Variants in CACNA1C observed in about 807,000 individuals in gnomAD.
CACNA1C encodes calcium voltage-gated channel subunit alpha1 C.
A neutral mutation model predicts 229.0 loss-of-function variants in CACNA1C; 30 were observed. The ratio of observed to expected loss-of-function variants is 0.13; its 90% confidence interval spans 0.10 to 0.18. CACNA1C has a LOEUF of 0.18. Ranked by LOEUF, CACNA1C falls within the 10% of genes least tolerant of loss-of-function variation. The probability of loss-of-function intolerance (pLI) is 1.00; values close to 1 mark genes in which losing one functional copy is unlikely to be tolerated. For missense variants in CACNA1C, 1,658 were observed against 2,845.0 expected, an observed-to-expected ratio of 0.58 and a Z score of 9.49; for synonymous variants, 1,114 against 1,132.5, an observed-to-expected ratio of 0.98 and a Z score of 0.33.
intron 25 of CACNA1C, 32 bp downstream of exon 25, chr12:2,606,695 C>G (rs780804956): frequency 3.1e-6 from 5 of 1,589,746 alleles, no homozygotes; most frequent in Non-Finnish European, 3.4e-6. Flanking sequence ...GCCAGGGCCA[C>G]GGCCGGTCAG....
At chr12:2,497,823 T>A (rs1373035369) in intron 7 of CACNA1C, among the ~76,000 whole-genome samples, 1 of 152,210 alleles carries the variant, frequency 6.6e-6, no homozygotes, top group East Asian at 1.9e-4. Flanking sequence ...CTCTAGAACC[T>A]GGAATTTGTT....
chr12:2,169,789 C>T (rs889534783), intron 3 of CACNA1C, among the ~76,000 whole-genome samples: 6 of 152,142 alleles, frequency 3.9e-5, no homozygotes, highest in African/African-American at 1.4e-4. Flanking sequence ...TGACTCCGGG[C>T]CTGAAGTTTC....
chr12:2,506,188 A>T (rs1474821896), intron 8 of CACNA1C, among the ~76,000 whole-genome samples: 3 of 152,208 alleles, frequency 2.0e-5, no homozygotes, highest in Admixed American at 2.0e-4. Context: ...AGTGCCTTCC[A>T]TCAGGGATAA....
chr12:2,652,836 T>A (rs1040845181), intron 32 of CACNA1C, among the ~76,000 whole-genome samples: 1 of 152,226 alleles, frequency 6.6e-6, no homozygotes, highest in African/African-American at 2.4e-5. Flanking sequence ...GGACTGCCGC[T>A]GACTCTGTAC....
intron 39 of CACNA1C, chr12:2,676,308 G>C (rs1301293245): frequency 2.6e-5 from 4 of 152,238 alleles, no homozygotes. Flanking sequence ...GGCTATTTTG[G>C]AGGGACAGGT....
At chr12:2,396,299 A>T (rs1567440790) in intron 3 of CACNA1C, among the ~76,000 whole-genome samples, 1 of 152,188 alleles carries the variant, frequency 6.6e-6, no homozygotes, top group Admixed American at 6.5e-5. Flanking sequence ...GGAAACATGG[A>T]AATATTTTTG....
chr12:2,093,361 A>G (rs1040928016), intron 1 of CACNA1C, among the ~76,000 whole-genome samples: 3 of 152,144 alleles, frequency 2.0e-5, no homozygotes, highest in Non-Finnish European at 2.9e-5. Flanking sequence ...CACTTGTCCT[A>G]TGCTAGGCAT....
At chr12:2,364,120 TGA>T (rs1300912790) in intron 3 of CACNA1C, among the ~76,000 whole-genome samples, 1 of 152,190 alleles carries the variant, frequency 6.6e-6, no homozygotes, top group African/African-American at 2.4e-5. Context: ...GCATCTGATG[TGA>T]GTCTTCAGAC....
At chr12:2,535,733 A>C (rs34211704) in intron 9 of CACNA1C, among the ~76,000 whole-genome samples, 21 of 146,028 alleles carry the variant, frequency 1.4e-4, no homozygotes, top group African/African-American at 5.1e-4. Context: ...AAAAAAAAAA[A>C]CCTAAAACTA....
chr12:2,264,102 G>A (rs567062526), intron 3 of CACNA1C, among the ~76,000 whole-genome samples: 11 of 152,312 alleles, frequency 7.2e-5, no homozygotes, highest in African/African-American at 1.2e-4. Context: ...TTGCACTCAC[G>A]GGTGGCAAGA....
intron 3 of CACNA1C, among the ~76,000 whole-genome samples, chr12:2,270,454 T>G (rs148793075): frequency 0.012 from 1,794 of 152,300 alleles, 15 homozygotes; most frequent in Non-Finnish European, 0.018. Context: ...CAGTGACCCC[T>G]CATGTCAATG....
chr12:2,511,016 G>A (rs2099782604), intron 8 of CACNA1C, among the ~76,000 whole-genome samples: 1 of 152,180 alleles, frequency 6.6e-6, no homozygotes, highest in Non-Finnish European at 1.5e-5. Context: ...ATTGTGAGCT[G>A]TCAATCTGTC....
rs113076853 is a variant in CACNA1C, at chr12:2,187,586, C to T, written c.477+67156C>T. Among the ~76,000 whole-genome samples, 686 of 152,322 alleles carry T rather than the reference C, an allele frequency of 4.5e-3. 9 individuals are homozygous for T. Among genetic ancestry groups the T allele is most frequent in the South Asian group, 0.034 (166 of 4,826 alleles). On this transcript the variant is annotated intron_variant, in intron 3 of 46. Transcript: ENST00000399655. ...TAAGTCTCCCTCTCAGAGGGAAAAGCTGATTCTTCCAGGCAAGGGTGAAGA... is the reference window on the plus strand; with the variant it reads ...TAAGTCTCCCTCTCAGAGGGAAAAGTTGATTCTTCCAGGCAAGGGTGAAGA...
chr12:2,103,583 A>G (rs141108187), intron 1 of CACNA1C, among the ~76,000 whole-genome samples: 1 of 152,212 alleles, frequency 6.6e-6, no homozygotes. Context: ...CAGTTTAATC[A>G]GATCCCATTT....
At chr12:2,522,949 C>A (rs567758150) in intron 9 of CACNA1C, among the ~76,000 whole-genome samples, 1 of 152,270 alleles carries the variant, frequency 6.6e-6, no homozygotes, top group East Asian at 1.9e-4. Context: ...TTGCTCCCTC[C>A]GTACCATGCT....
At chr12:2,312,993 G>A (rs563222925) in intron 3 of CACNA1C, among the ~76,000 whole-genome samples, 24 of 152,214 alleles carry the variant, frequency 1.6e-4, no homozygotes, top group Admixed American at 4.6e-4. Flanking sequence ...CCTAGCTTTG[G>A]GTGTGTCTAT....
intron 1 of CACNA1C, among the ~76,000 whole-genome samples, chr12:2,076,796 G>A (rs1465795060): frequency 1.3e-5 from 2 of 152,220 alleles, no homozygotes; most frequent in Non-Finnish European, 2.9e-5. Context: ...TGTTAGACGG[G>A]TCACCCTGGT....
At position 2,692,983 on chromosome 12, in the gene CACNA1C, A is replaced by G. The variant is rs896409122; in HGVS notation, c.*1784A>G. 6.6e-6 allele frequency: 1 copy of G among 152,628 alleles called. No homozygotes were observed. The highest frequency in any genetic ancestry group is 2.4e-5 in the African/African-American group (1 of 41,440). The allele number at this position is 152,628 out of a possible 1,614,324, so 9.5% of individuals were successfully genotyped here. On this transcript the variant is annotated 3_prime_UTR_variant, in exon 47 of 47. Transcript: ENST00000399655. ...GCTTTTCTATATGTGGTTGGGGGAA[A>G]GGGAACAAGTTTTCTTTAGTTTGCA... is the stretch of plus-strand genomic sequence containing the variant.
chr12:2,284,630 C>T (rs1458224688), intron 3 of CACNA1C, among the ~76,000 whole-genome samples: 2 of 152,222 alleles, frequency 1.3e-5, no homozygotes, highest in African/African-American at 2.4e-5. Context: ...CTGGCAGACA[C>T]GCACACATGT....
Sources: gnomAD v4.1 joint callset for allele counts (sites outside exome capture counted in the v4.1 genomes callset) on GRCh38, gnomAD v4.1.1 for gene constraint, MANE v1.5 for transcripts, NCBI Gene and HGNC (gene_info 2026-07-23, HGNC 2026-07-21) for gene names.